The following PALM2AKAP2 variants were observed in gnomAD, a reference collection of about 807,000 sequenced individuals.
PALM2AKAP2 encodes the protein PALM2 and AKAP2 fusion.
A neutral mutation model predicts 71.5 loss-of-function variants in PALM2AKAP2; 37 were observed. The ratio of observed to expected loss-of-function variants is 0.52; its 90% CI spans 0.40 to 0.68. The LOEUF (loss-of-function observed/expected upper bound fraction) is 0.68. Ranked by LOEUF, PALM2AKAP2 falls within the 30% of genes least tolerant of loss-of-function variation. The probability of loss-of-function intolerance (pLI) is 0.00; values close to 1 mark genes in which losing one functional copy is unlikely to be tolerated. For missense variants in PALM2AKAP2, 1,224 were observed against 1,191.8 expected, an observed-to-expected ratio of 1.03 and a Z score of -0.40; for synonymous variants, 468 against 478.8, an observed-to-expected ratio of 0.98 and a Z score of 0.29.
At chr9:109,894,190 T>C (rs1258718819) in intron 3 of PALM2AKAP2, among the ~76,000 whole-genome samples, 3 of 151,962 alleles carry the variant, frequency 2.0e-5, no homozygotes, top group Non-Finnish European at 4.4e-5. Flanking sequence ...TACAAAAAAT[T>C]AGCTGGGCAT....
In PALM2AKAP2 at chr9:109,885,205, T is replaced by C. The variant is rs951615838; in HGVS notation, c.257+4524T>C. 1.5e-4 allele frequency among the ~76,000 whole-genome samples: 23 copies of C among 152,316 alleles called. 1 individual carries two copies. The highest frequency in any genetic ancestry group is 1.4e-3 in the Admixed American group (21 of 15,308). ...ATGTTTTTTTCCAAAATGTTATTTATAAATTGGTGGTGGTTTGGAAGGGCG... is the reference window on the plus strand; with the variant it reads ...ATGTTTTTTTCCAAAATGTTATTTACAAATTGGTGGTGGTTTGGAAGGGCG... On this transcript the variant is annotated intron_variant, in intron 3 of 9. Transcript: ENST00000302798.
At chr9:110,005,523 T>C (rs1055096067) in intron 6 of PALM2AKAP2, among the ~76,000 whole-genome samples, 9 of 152,332 alleles carry the variant, frequency 5.9e-5, no homozygotes, top group Non-Finnish European at 1.2e-4. Context: ...TCCAGCTGTG[T>C]GCTGGGAGAA....
At chr9:109,927,958 C>G (rs1830994200) in intron 5 of PALM2AKAP2, among the ~76,000 whole-genome samples, 1 of 152,228 alleles carries the variant, frequency 6.6e-6, no homozygotes, top group Non-Finnish European at 1.5e-5. Context: ...GGGCCTATCT[C>G]AGTCCTTGGT....
chr9:109,988,305 T>C (rs554650942), intron 6 of PALM2AKAP2, among the ~76,000 whole-genome samples: 3 of 152,354 alleles, frequency 2.0e-5, no homozygotes, highest in East Asian at 3.9e-4. Flanking sequence ...TTTGTTTTCA[T>C]TTCCTCTAGT....
intron 2 of PALM2AKAP2, among the ~76,000 whole-genome samples, chr9:110,149,378 A>C (rs1836256216): frequency 6.6e-6 from 1 of 152,220 alleles, no homozygotes; most frequent in Non-Finnish European, 1.5e-5. Context: ...TAGTCCATAA[A>C]AGTTAAAGCA....
intron 3 of PALM2AKAP2, among the ~76,000 whole-genome samples, chr9:109,912,717 TAGATAGAC>T (rs1248402508): frequency 1.4e-4 from 22 of 152,208 alleles, no homozygotes; most frequent in South Asian, 1.0e-3. Flanking sequence ...GATAGATAGA[TAGATAGAC>T]AGACAGACAG....
At chr9:109,712,548 G>A (rs1828258352) in intron 1 of PALM2AKAP2, among the ~76,000 whole-genome samples, 1 of 152,120 alleles carries the variant, frequency 6.6e-6, no homozygotes, top group Admixed American at 6.5e-5. Context: ...CTTTCATGTG[G>A]TGCCCTAATA....
At chr9:109,695,925 A>G (rs562500194) in intron 1 of PALM2AKAP2, among the ~76,000 whole-genome samples, 11 of 152,154 alleles carry the variant, frequency 7.2e-5, no homozygotes, top group Non-Finnish European at 1.5e-4. Flanking sequence ...ATACAGTTAG[A>G]AGGAATAAGT....
At chr9:109,947,535 G>A (rs1402207971) in intron 6 of PALM2AKAP2, among the ~76,000 whole-genome samples, 3 of 152,206 alleles carry the variant, frequency 2.0e-5, no homozygotes, top group African/African-American at 7.2e-5. Flanking sequence ...CATGGTCATA[G>A]AGACAAAATC....
At chr9:109,709,756 C>T (rs1036452126) in intron 1 of PALM2AKAP2, among the ~76,000 whole-genome samples, 1 of 152,118 alleles carries the variant, frequency 6.6e-6, no homozygotes, top group African/African-American at 2.4e-5. Context: ...TTCATTGGCT[C>T]ACAGGTCCCT....
chr9:109,990,494 T>C (rs1234184101), intron 6 of PALM2AKAP2, among the ~76,000 whole-genome samples: 1 of 152,160 alleles, frequency 6.6e-6, no homozygotes, highest in Admixed American at 6.5e-5. Context: ...CTCTTTCCAT[T>C]AGTGACCCTA....
intron 1 of PALM2AKAP2, among the ~76,000 whole-genome samples, chr9:109,747,909 G>C (rs907865469): frequency 2.6e-5 from 4 of 152,168 alleles, no homozygotes; most frequent in African/African-American, 9.7e-5. Flanking sequence ...GAGCTGAAGC[G>C]ATCTGCCTGC....
exon 3 of PALM2AKAP2, chr9:110,156,407 A>G (rs1016037829): frequency 1.3e-5 from 21 of 1,613,060 alleles, no homozygotes; most frequent in Non-Finnish European, 1.7e-5. Context: ...AGGCTGCCGG[A>G]ACCCAGCGGC....
At chr9:109,726,089 A>G (rs1184035138) in intron 1 of PALM2AKAP2, among the ~76,000 whole-genome samples, 1 of 152,220 alleles carries the variant, frequency 6.6e-6, no homozygotes, top group East Asian at 1.9e-4. Flanking sequence ...AGGCAGGTGT[A>G]ACAGACATTT....
At chr9:109,659,651 T>G (rs1587857164) in intron 1 of PALM2AKAP2, among the ~76,000 whole-genome samples, 1 of 152,154 alleles carries the variant, frequency 6.6e-6, no homozygotes, top group African/African-American at 2.4e-5. Flanking sequence ...TTATAAACAT[T>G]TAACACTTTG....
chr9:109,920,568 C>T lies in PALM2AKAP2; in HGVS notation c.258-3167C>T, dbSNP rs149914993. Among the ~76,000 whole-genome samples the T allele has an allele frequency of 3.7e-3, 568 of 151,826 alleles. 1 individual carries two copies. Among genetic ancestry groups the T allele is most frequent in the African/African-American group, 0.013 (529 of 41,428 alleles). ...CTAATTTTTGTATTTTTAGTAGAGA[C>T]GGGCTTTCACCATGTTGATCAGGCC... On this transcript the variant is annotated intron_variant, in intron 3 of 9. Coordinates refer to the PALM2AKAP2 transcript ENST00000302798.
Position 110,058,475 on chromosome 9 carries a change from G to A in PALM2AKAP2, c.156+9620G>A, listed in dbSNP as rs182598988. On this transcript the variant is annotated intron_variant, in intron 1 of 3. Transcript: ENST00000374525. ...TTCTGTTTCTTCATTTTATTCCTAA[G>A]ACTTGCCCTGGCCTTTGTCCTACCT... Among the ~76,000 whole-genome samples the A allele has an allele frequency of 1.1e-4, 17 of 152,278 alleles. No individual in the cohort carries two copies. In the East Asian group the frequency reaches 2.3e-3, roughly 21 times the overall value.
intron 1 of PALM2AKAP2, among the ~76,000 whole-genome samples, chr9:109,708,874 A>G (rs953404971): frequency 1.3e-5 from 2 of 152,192 alleles, no homozygotes; most frequent in Non-Finnish European, 2.9e-5. Flanking sequence ...AGCATTGGGT[A>G]GTTGAAACCT....
chr9:110,120,702 A>G (rs1259998896), intron 1 of PALM2AKAP2, among the ~76,000 whole-genome samples: 1 of 152,200 alleles, frequency 6.6e-6, no homozygotes, highest in Non-Finnish European at 1.5e-5. Flanking sequence ...ACAAGGTTTC[A>G]CCATGTTGGC....
Sources: allele counts gnomAD v4.1 joint callset (sites outside exome capture counted in the v4.1 genomes callset), GRCh38; gene constraint gnomAD v4.1.1; transcripts MANE v1.5; gene names NCBI Gene and HGNC (gene_info 2026-07-23, HGNC 2026-07-21).